TRAP1: variants seen among roughly 807,000 people sequenced by gnomAD.
TRAP1 encodes the protein heat shock protein 75 kDa, mitochondrial.
Under a neutral mutation model 89.1 loss-of-function variants are expected in TRAP1, and 102 were observed. The observed-to-expected ratio is 1.15, with a 90% confidence interval of 0.98 to 1.35. TRAP1 has a LOEUF of 1.35. Among genes scored for constraint, TRAP1 ranks in the 40% most tolerant of loss-of-function variants. TRAP1 has a pLI of 0.00. For missense variants in TRAP1, 1,256 were observed against 945.3 expected (o/e 1.33, Z -4.31); for synonymous variants, 508 against 388.0 (o/e 1.31, Z -3.64).
At position 3,717,471 on chromosome 16, in the gene TRAP1, C is replaced by T. The variant is rs1487847588; in HGVS notation, c.38G>A (p.Arg13His). The T allele has an allele frequency of 3.8e-6, 5 of 1,310,310 alleles. No homozygotes were observed. The South Asian group carries it at 6.6e-5, about 17-fold the overall frequency. The allele number at this position is 1,310,310 out of a possible 1,614,324, so 81.2% of individuals were successfully genotyped here. A position where few individuals can be genotyped will look rare whatever the true frequency, so the allele number is the denominator to read the frequency against. ...RELRALLLWG[R>H]RLRPLLRAPA... ...CGCCCGCAGCAAAGGCCGCAGGCGG[C>T]GGCCCCACAGCAGCAGCGCCCGCAG... Residue 13 changes from arginine (R) to histidine (H), a missense_variant, in exon 1 of 18, where the codon CGC becomes CAC. By Grantham distance (29) the Arg-to-His change is conservative (BLOSUM62 0). Coordinates refer to ENST00000246957, the MANE Select transcript of TRAP1 (RefSeq NM_016292.3).
At chr16:3,704,627 A>C (rs1273021105) in intron 1 of TRAP1, among the ~76,000 whole-genome samples, 2 of 152,114 alleles carry the variant, frequency 1.3e-5, no homozygotes, top group Non-Finnish European at 1.5e-5. Flanking sequence ...AGGCAGGAGG[A>C]GGCTCCCTCG....
rs2074802 is a variant in TRAP1, at chr16:3,690,641, C to T, written c.247+186G>A. 2.2e-3 allele frequency among the ~76,000 whole-genome samples: 332 copies of T among 152,258 alleles called. 5 individuals are homozygous for T. The East Asian group carries it at 0.033, about 15-fold the overall frequency. ...GCCACCAGAGGGGGCAAGACACACC[C>T]GACACTGGCAGAAGTCCCTCGCTGG... On this transcript the variant is annotated intron_variant, in intron 2 of 17. Coordinates refer to ENST00000246957, the MANE Select transcript of TRAP1 (RefSeq NM_016292.3).
At chr16:3,717,327 AG>A in intron 1 of TRAP1, 93 bp downstream of exon 1, 2 of 434,824 alleles carry the variant, frequency 4.6e-6, no homozygotes, top group African/African-American at 4.1e-5. Flanking sequence ...CCTGTGAAGC[AG>A]GTGCCGGCGC....
At chr16:3,701,292 T>C (rs1329779055) in intron 1 of TRAP1, among the ~76,000 whole-genome samples, 2 of 152,058 alleles carry the variant, frequency 1.3e-5, no homozygotes, top group Non-Finnish European at 2.9e-5. Context: ...AGCTTCAACA[T>C]ATATGAAGTT....
chr16:3,662,636 G>A (rs1476612953), intron 15 of TRAP1: 2 of 671,710 alleles, frequency 3.0e-6, no homozygotes, highest in Non-Finnish European at 5.5e-6. Flanking sequence ...TCAGGATGCT[G>A]GTTTTTCAGT....
chr16:3,698,823 T>C (rs993749932), intron 1 of TRAP1, among the ~76,000 whole-genome samples: 34 of 151,726 alleles, frequency 2.2e-4, no homozygotes, highest in African/African-American at 8.0e-4. Flanking sequence ...AAGGCAGAGG[T>C]TGCAGTGAGC....
At chr16:3,709,584 T>G (rs1021112253) in intron 1 of TRAP1, among the ~76,000 whole-genome samples, 9 of 152,150 alleles carry the variant, frequency 5.9e-5, no homozygotes, top group Non-Finnish European at 1.2e-4. Context: ...CCCCAGAATA[T>G]AAGTGGAAAA....
chr16:3,705,184 C>A lies in TRAP1; in HGVS notation c.88+12237G>T, dbSNP rs1009602738. ...GGTTCATGCCATTCTCCTGCCTCAGCGTCCCGAGTAGCTGGGACTACAGGC... is the reference window on the plus strand; with the variant it reads ...GGTTCATGCCATTCTCCTGCCTCAGAGTCCCGAGTAGCTGGGACTACAGGC... On this transcript the variant is annotated intron_variant, in intron 1 of 17. Coordinates refer to ENST00000246957, the MANE Select transcript of TRAP1 (RefSeq NM_016292.3). 4.6e-5 allele frequency among the ~76,000 whole-genome samples: 7 copies of A among 152,220 alleles called. No individual in the cohort carries two copies. In the South Asian group the frequency reaches 1.5e-3, roughly 32 times the overall value.
intron 1 of TRAP1, among the ~76,000 whole-genome samples, chr16:3,702,512 G>A (rs139110751): frequency 6.6e-6 from 1 of 151,952 alleles, no homozygotes; most frequent in African/African-American, 2.4e-5. Context: ...GGAGGCTGAG[G>A]CAGGCAGATC....
chr16:3,713,862 G>C (rs1035419390), intron 1 of TRAP1, among the ~76,000 whole-genome samples: 1 of 152,214 alleles, frequency 6.6e-6, no homozygotes, highest in South Asian at 2.1e-4. Context: ...CCACGTGGCT[G>C]GGCTCCCCAC....
chr16:3,717,409 G>C lies in TRAP1; in HGVS notation c.88+12C>G. On this transcript the variant is annotated intron_variant, in intron 1 of 17. Coordinates refer to ENST00000246957, the MANE Select transcript of TRAP1 (RefSeq NM_016292.3). ...GGCCCGCCCGCTGCCCGTCCAGCCAGGACGCCCTCACCTCCCGGCACGGCC... is the reference window on the plus strand; with the variant it reads ...GGCCCGCCCGCTGCCCGTCCAGCCACGACGCCCTCACCTCCCGGCACGGCC... The C allele has an allele frequency of 8.9e-7, 1 of 1,129,358 alleles. No individual in the cohort carries two copies. The highest frequency in any genetic ancestry group is 1.6e-5 in the African/African-American group (1 of 61,470). The allele number at this position is 1,129,358 out of a possible 1,614,324, so 70.0% of individuals were successfully genotyped here. A position where few individuals can be genotyped will look rare whatever the true frequency, so the allele number is the denominator to read the frequency against.
intron 7 of TRAP1, among the ~76,000 whole-genome samples, chr16:3,675,774 G>A (rs1436227758): frequency 7.2e-5 from 11 of 152,220 alleles, no homozygotes; most frequent in Admixed American, 7.2e-4. Context: ...ACCCCCAGGT[G>A]CACTAAAGGC....
chr16:3,683,567 T>C (rs1336617396), intron 4 of TRAP1, among the ~76,000 whole-genome samples: 1 of 151,464 alleles, frequency 6.6e-6, no homozygotes, highest in African/African-American at 2.4e-5. Flanking sequence ...TGTATTTTTA[T>C]TAGAGATGGG....
intron 1 of TRAP1, among the ~76,000 whole-genome samples, chr16:3,706,595 G>T (rs919684555): frequency 6.6e-6 from 1 of 151,560 alleles, no homozygotes; most frequent in African/African-American, 2.4e-5. Context: ...AAATGGCTGG[G>T]ACCACAGGCA....
chr16:3,664,635 C>G, intron 12 of TRAP1, 176 bp from the exon 13 acceptor site: 1 of 664,140 alleles, frequency 1.5e-6, no homozygotes, highest in African/African-American at 1.8e-5. Context: ...CTCTGCCCAT[C>G]AGGCCCCTTT....
At chr16:3,692,410 C>A (rs2051226603) in intron 1 of TRAP1, among the ~76,000 whole-genome samples, 2 of 151,628 alleles carry the variant, frequency 1.3e-5, no homozygotes. Flanking sequence ...GTGGCAGGCA[C>A]CTGTAATCCC....
At chr16:3,698,424 C>T (rs2051319638) in intron 1 of TRAP1, among the ~76,000 whole-genome samples, 1 of 151,736 alleles carries the variant, frequency 6.6e-6, no homozygotes, top group South Asian at 2.1e-4. Flanking sequence ...CATTCTCCTG[C>T]CTCAGCCTCC....
At position 3,658,827 on chromosome 16, in the gene TRAP1, C is replaced by G. The variant is rs141749443; in HGVS notation, c.1979G>C (p.Ser660Thr). 4.3e-6 allele frequency: 7 copies of G among 1,613,866 alleles called. No homozygotes were observed. The highest frequency in any genetic ancestry group is 5.9e-6 in the Non-Finnish European group (7 of 1,179,998). The change falls in exon 17 of 18, where the codon AGC becomes ACC. Residue 660 changes from serine (S) to threonine (T), a missense_variant. By Grantham distance (58) the Ser-to-Thr change is moderately conservative. Transcript: ENST00000246957. ...LIKKLNQLRA[S>T]EPGLAQLLVD... ...CAGCAGCTGAGCCAGGCCAGGCTCG[C>G]TTGCGCGCAGCTGATTCAGCTTCTT... is the stretch of plus-strand genomic sequence containing the variant.
intron 11 of TRAP1, 63 bp downstream of exon 11, chr16:3,671,659 G>A (rs1177431551): frequency 5.7e-6 from 9 of 1,566,496 alleles, no homozygotes; most frequent in Admixed American, 1.7e-5. Context: ...GCCCTCTGGG[G>A]GCAAAGGAGC....
Sources: gnomAD v4.1 joint callset for allele counts (sites outside exome capture counted in the v4.1 genomes callset) on GRCh38, gnomAD v4.1.1 for gene constraint, MANE v1.5 for transcripts, NCBI Gene and HGNC (gene_info 2026-07-23, HGNC 2026-07-21) for gene names.